SCN1A: variants seen among roughly 807,000 people sequenced by gnomAD.
The protein encoded by SCN1A is sodium channel protein type 1 subunit alpha.
In SCN1A, 13 loss-of-function variants were observed where a neutral mutation model predicts 193.7. That is an observed-to-expected ratio of 0.07 (90% CI 0.04 to 0.11). The LOEUF (loss-of-function observed/expected upper bound fraction) is 0.11, where lower values mean the gene tolerates loss of function less well. Ranked by LOEUF, SCN1A falls within the 10% of genes least tolerant of loss-of-function variation. The pLI is 1.00. For synonymous variants in SCN1A, 781 were observed against 843.6 expected (o/e 0.93, Z 1.29); for missense variants, 1,432 against 2,451.1 (o/e 0.58, Z 8.78).
intron 27 of SCN1A, among the ~76,000 whole-genome samples, chr2:165,995,491 T>C (rs1689903194): frequency 6.6e-6 from 1 of 151,860 alleles, no homozygotes; most frequent in Non-Finnish European, 1.5e-5. Flanking sequence ...TAGTAATACC[T>C]AACTCTATAG....
At chr2:166,143,444 G>T (rs939391823) in intron 1 of SCN1A, among the ~76,000 whole-genome samples, 3 of 151,964 alleles carry the variant, frequency 2.0e-5, no homozygotes, top group Non-Finnish European at 2.9e-5. Context: ...GGGATTACAG[G>T]CATGAGCCAC....
intron 1 of SCN1A, among the ~76,000 whole-genome samples, chr2:166,145,428 C>A (rs929038936): frequency 1.3e-5 from 2 of 152,026 alleles, no homozygotes; most frequent in African/African-American, 4.8e-5. Flanking sequence ...CTACCTATAT[C>A]TTATATTAGG....
intron 19 of SCN1A, among the ~76,000 whole-genome samples, chr2:166,025,376 A>G (rs1340214876): frequency 2.6e-5 from 4 of 152,186 alleles, no homozygotes; most frequent in Non-Finnish European, 4.4e-5. Context: ...CTCTGGCCAC[A>G]TGGCTGCTGT....
rs144597790 is a variant in SCN1A at position 166,126,975 on chromosome 2, G to C, written c.-193C>G. On this transcript the variant is annotated 5_prime_UTR_variant, in exon 2 of 29. Coordinates refer to ENST00000674923, the MANE Select transcript of SCN1A (RefSeq NM_001165963.4). ...CATGATAGCAAAGACATTTGGACAA[G>C]CCTCACCTCCACTCAGAAATAATTC... 6.6e-6 allele frequency: 1 copy of C among 152,248 alleles called. No homozygotes were observed. Among genetic ancestry groups the C allele is most frequent in the Non-Finnish European group, 1.5e-5 (1 of 68,078 alleles). 9.4% of individuals were successfully genotyped at this position (152,248 alleles called of 1,614,324 possible).
rs926312087 is a variant in SCN1A, at chr2:165,987,808, C to T, written c.*3437G>A. ...ATATGATTATGTTTTACCAGTTCTT[C>T]TCTTTGTATTTGGAAAGGTAACAGT... On this transcript the variant is annotated 3_prime_UTR_variant, in exon 29 of 29. Coordinates refer to ENST00000674923, the MANE Select transcript of SCN1A (RefSeq NM_001165963.4). 1 of 152,096 alleles carries T rather than the reference C, an allele frequency of 6.6e-6. No homozygotes were observed. The highest frequency in any genetic ancestry group is 1.9e-4 in the East Asian group (1 of 5,188). 9.4% of individuals were successfully genotyped at this position (152,096 alleles called of 1,614,324 possible).
chr2:166,007,740 C>T lies in SCN1A; in HGVS notation c.4002+1979G>A, dbSNP rs956787480. Among the ~76,000 whole-genome samples, 2 of 151,222 alleles carry T rather than the reference C, an allele frequency of 1.3e-5. No homozygotes were observed. The highest frequency in any genetic ancestry group is 4.1e-4 in the South Asian group (2 of 4,832). On this transcript the variant is annotated intron_variant, in intron 23 of 28. Transcript: ENST00000674923. Reference sequence around the variant, plus strand: ...ATGCTTTGAAAAAATAACAGAACAACAAAAATAAAATGAGTGCCTGAGTTA... The same window carrying T: ...ATGCTTTGAAAAAATAACAGAACAATAAAAATAAAATGAGTGCCTGAGTTA...
intron 2 of SCN1A, among the ~76,000 whole-genome samples, chr2:166,087,075 GTCATGGGTGGA>G (rs527776145): frequency 7.7e-4 from 117 of 151,862 alleles, no homozygotes; most frequent in African/African-American, 2.8e-3. Flanking sequence ...AAGTGTTTGG[GTCATGGGTGGA>G]TCCCTCATGA....
At chr2:166,038,931 A>T (rs929394666) in intron 17 of SCN1A, among the ~76,000 whole-genome samples, 4 of 152,154 alleles carry the variant, frequency 2.6e-5, no homozygotes, top group African/African-American at 9.7e-5. Flanking sequence ...ACTTGTAAGG[A>T]TATATGTGTG....
chr2:166,063,510 T>A (rs986229449), intron 4 of SCN1A, among the ~76,000 whole-genome samples: 1 of 152,072 alleles, frequency 6.6e-6, no homozygotes, highest in Non-Finnish European at 1.5e-5. Flanking sequence ...CAATGCCCTG[T>A]GCTACATTCT....
chr2:166,026,835 C>G (rs2105729935), intron 19 of SCN1A, among the ~76,000 whole-genome samples: 1 of 151,956 alleles, frequency 6.6e-6, no homozygotes, highest in Non-Finnish European at 1.5e-5. Flanking sequence ...AGGTGCCCAC[C>G]ACTGCACCCG....
intron 5 of SCN1A, among the ~76,000 whole-genome samples, chr2:166,058,147 C>G (rs1483450726): frequency 6.6e-6 from 1 of 152,000 alleles, no homozygotes; most frequent in Admixed American, 6.6e-5. Flanking sequence ...CTAAGATACA[C>G]TGAAGTGTTT....
chr2:166,140,730 C>T (rs987711381), intron 1 of SCN1A, among the ~76,000 whole-genome samples: 5 of 152,178 alleles, frequency 3.3e-5, no homozygotes, highest in African/African-American at 1.2e-4. Context: ...TTGGTGGAAG[C>T]TTCATGTTGC....
At chr2:165,998,321 C>T in intron 25 of SCN1A, 146 bp from the exon 26 acceptor site, 1 of 619,136 alleles carries the variant, frequency 1.6e-6, no homozygotes, top group South Asian at 2.3e-5. Context: ...CTCTAAAAAA[C>T]ATCCCTGAAA....
chr2:165,998,074 A>G lies in SCN1A; in HGVS notation c.4440T>C (p.Gly1480=), dbSNP rs1690328476. The G allele has an allele frequency of 1.9e-6, 3 of 1,605,652 alleles. No homozygotes were observed. The highest frequency in any genetic ancestry group is 2.6e-6 in the Non-Finnish European group (3 of 1,173,878). The change falls in exon 26 of 29, where the codon GGT becomes GGC. Residue 1480 remains glycine (G), a synonymous_variant. Transcript: ENST00000674923. The part of the protein sequence containing the change: ...GSFFTLNLFI[G]VIIDNFNQQK... Reference sequence around the variant, plus strand: ...GCTGGTTGAAATTATCTATGATGACACCAATAAACAGGTTCAAGGTGAAGA... The same window carrying G: ...GCTGGTTGAAATTATCTATGATGACGCCAATAAACAGGTTCAAGGTGAAGA...
rs181690207 is a variant in SCN1A, at chr2:166,141,765, T to C, written c.-50+7282A>G. Among the ~76,000 whole-genome samples, 30 of 152,138 alleles carry C rather than the reference T, an allele frequency of 2.0e-4. No homozygotes were observed. In the East Asian group the frequency reaches 5.0e-3, roughly 25 times the overall value. On this transcript the variant is annotated intron_variant, in intron 1 of 26. Coordinates refer to the SCN1A transcript ENST00000635750. ...TTTTCTATTTCAAACAATGCGGATG[T>C]ATACATTTCTTTACAATTGCATTTC...
chr2:166,005,619 G>A (rs779793126), intron 23 of SCN1A, among the ~76,000 whole-genome samples: 6 of 151,314 alleles, frequency 4.0e-5, no homozygotes, highest in Non-Finnish European at 8.9e-5. Context: ...CAAAGCTATA[G>A]TCATATTTAT....
At chr2:166,098,236 A>C (rs1315346917) in intron 2 of SCN1A, among the ~76,000 whole-genome samples, 1 of 152,232 alleles carries the variant, frequency 6.6e-6, no homozygotes, top group African/African-American at 2.4e-5. Flanking sequence ...AATAGATGTG[A>C]TTCATCACAT....
chr2:166,139,641 CCT>C (rs1334339249), intron 1 of SCN1A, among the ~76,000 whole-genome samples: 3 of 152,142 alleles, frequency 2.0e-5, no homozygotes, highest in Non-Finnish European at 4.4e-5. Context: ...TAAAGACATA[CCT>C]GAGACTGGGT....
chr2:166,116,379 C>T (rs1457252064), intron 2 of SCN1A, among the ~76,000 whole-genome samples: 1 of 152,156 alleles, frequency 6.6e-6, no homozygotes, highest in African/African-American at 2.4e-5. Context: ...TTTTTACTCA[C>T]TTTATACAGA....
Sources: gnomAD v4.1 joint callset for allele counts (sites outside exome capture counted in the v4.1 genomes callset) on GRCh38, gnomAD v4.1.1 for gene constraint, MANE v1.5 for transcripts, NCBI Gene and HGNC (gene_info 2026-07-23, HGNC 2026-07-21) for gene names.